CHRM3: variants seen among roughly 807,000 people sequenced by gnomAD.
CHRM3 encodes cholinergic receptor muscarinic 3.
Under a neutral mutation model 41.8 loss-of-function variants are expected in CHRM3, and 11 were observed. The ratio of observed to expected loss-of-function variants is 0.26; its 90% CI spans 0.17 to 0.44. The LOEUF is 0.44. Ranked by LOEUF, CHRM3 falls within the 20% of genes least tolerant of loss-of-function variation. The pLI, the probability that CHRM3 is intolerant of heterozygous loss-of-function variation, is 1.00. For missense variants in CHRM3, 571 were observed against 745.4 expected (o/e 0.77, Z 2.72); for synonymous variants, 297 against 301.4 (o/e 0.99, Z 0.15).
intron 4 of CHRM3, among the ~76,000 whole-genome samples, chr1:239,658,236 C>T (rs190018849): frequency 5.9e-5 from 9 of 152,246 alleles, no homozygotes; most frequent in African/African-American, 2.2e-4. Context: ...AAATCTGTAG[C>T]TTTAAAATGG....
rs1558431478 is a variant in CHRM3, at chr1:239,662,912, T to TCTTCTTCTTCTTCTTCTC, written c.-249-15257_-249-15256insCCTTCTTCTTCTTCTTCT. Among the ~76,000 whole-genome samples the TCTTCTTCTTCTTCTTCTC allele has an allele frequency of 2.6e-3, 279 of 105,302 alleles. 6 individuals carry two copies. Among genetic ancestry groups the TCTTCTTCTTCTTCTTCTC allele is most frequent in the African/African-American group, 8.5e-3 (259 of 30,486 alleles). 69.1% of individuals were successfully genotyped at this position (105,302 alleles called of 152,430 possible). A position where few individuals can be genotyped will look rare whatever the true frequency, so the allele number is the denominator to read the frequency against. On this transcript the variant is annotated intron_variant, in intron 4 of 6. Transcript: ENST00000676153. Reference sequence around the variant, plus strand: ...CTCCTCCTCTTCTTCTTCTTCTTCTTCTTCTTCTTCTTCTTCTTCTCCTCT... The same window carrying TCTTCTTCTTCTTCTTCTC: ...CTCCTCCTCTTCTTCTTCTTCTTCTTCTTCTTCTTCTTCTTCTCCTTCTTCTTCTTCTTCTTCTCCTCT...
At position 239,518,521 on chromosome 1, in the gene CHRM3, T is replaced by C. The variant is rs549248379; in HGVS notation, c.-422+25714T>C. On this transcript the variant is annotated intron_variant, in intron 2 of 6. Transcript: ENST00000676153. ...TGGAGAAAACAAATATGACCAAAGG[T>C]AGACAATTTGTCAACCTGGGTTAAG... Among the ~76,000 whole-genome samples the C allele has an allele frequency of 3.9e-5, 6 of 152,274 alleles. No homozygotes were observed. In the South Asian group the frequency reaches 1.2e-3, roughly 32 times the overall value.
chr1:239,693,557 A>AT (rs1659911095), intron 5 of CHRM3, among the ~76,000 whole-genome samples: 1 of 152,184 alleles, frequency 6.6e-6, no homozygotes, highest in Non-Finnish European at 1.5e-5. Context: ...AAGCGGACTA[A>AT]TATTTAGAGG....
At position 239,433,642 on chromosome 1, in the gene CHRM3, A is replaced by C. The variant is rs146763131; in HGVS notation, c.-521+46415A>C. The stretch of plus-strand genomic sequence containing the variant: ...CCCTTCCCCCAAGTTCCCAAAGTCC[A>C]TTGTATCATTCTTATGCCTTTGCAT... On this transcript the variant is annotated intron_variant, in intron 1 of 6. Coordinates refer to ENST00000676153, the MANE Select transcript of CHRM3 (RefSeq NM_001375978.1). 2.4e-3 allele frequency among the ~76,000 whole-genome samples: 328 copies of C among 137,542 alleles called. 1 individual carries two copies. The highest frequency in any genetic ancestry group is 8.5e-3 in the African/African-American group (312 of 36,768). The allele number at this position is 137,542 out of a possible 152,430, so 90.2% of individuals were successfully genotyped here.
intron 5 of CHRM3, among the ~76,000 whole-genome samples, chr1:239,812,305 A>G (rs1469745485): frequency 6.6e-6 from 1 of 152,114 alleles, no homozygotes; most frequent in Non-Finnish European, 1.5e-5. Context: ...CTCCCAAAGT[A>G]ATGGGATTAC....
chr1:239,785,569 T>C (rs1668826714), intron 5 of CHRM3, among the ~76,000 whole-genome samples: 1 of 152,224 alleles, frequency 6.6e-6, no homozygotes, highest in African/African-American at 2.4e-5. Context: ...TCTCCATGTT[T>C]TCCCCACTTA....
intron 3 of CHRM3, among the ~76,000 whole-genome samples, chr1:239,564,395 A>G (rs1353067691): frequency 6.6e-6 from 1 of 152,188 alleles, no homozygotes; most frequent in East Asian, 1.9e-4. Flanking sequence ...ATTTAAAATT[A>G]TATCTAGAGG....
intron 6 of CHRM3, among the ~76,000 whole-genome samples, chr1:239,864,645 G>GA (rs948892573): frequency 1.6e-4 from 24 of 152,024 alleles, no homozygotes; most frequent in African/African-American, 5.1e-4. Context: ...GGAGTGACTA[G>GA]AAACCTTTTC....
intron 5 of CHRM3, among the ~76,000 whole-genome samples, chr1:239,739,662 C>T (rs1394699513): frequency 6.6e-6 from 1 of 151,902 alleles, no homozygotes; most frequent in Non-Finnish European, 1.5e-5. Flanking sequence ...CAGTCACATG[C>T]TGGAGGATTT....
intron 3 of CHRM3, among the ~76,000 whole-genome samples, chr1:239,618,700 T>C (rs571981700): frequency 0.011 from 1,645 of 150,322 alleles, 18 homozygotes; most frequent in Non-Finnish European, 0.015. Flanking sequence ...AAAAATTAGC[T>C]GGGCGTGGTG....
At chr1:239,622,849 T>C (rs1668534233) in intron 3 of CHRM3, among the ~76,000 whole-genome samples, 1 of 152,198 alleles carries the variant, frequency 6.6e-6, no homozygotes, top group Non-Finnish European at 1.5e-5. Flanking sequence ...GTGGACAAAA[T>C]GCTGTCAAAC....
At chr1:239,778,716 T>C (rs1668290954) in intron 5 of CHRM3, among the ~76,000 whole-genome samples, 1 of 152,196 alleles carries the variant, frequency 6.6e-6, no homozygotes, top group South Asian at 2.1e-4. Context: ...CGATAGCAGC[T>C]AGGGGATTTG....
intron 5 of CHRM3, among the ~76,000 whole-genome samples, chr1:239,765,100 T>C (rs939838861): frequency 1.3e-5 from 2 of 152,212 alleles, no homozygotes; most frequent in Non-Finnish European, 2.9e-5. Context: ...TTCCTAATTT[T>C]AGAGATGAGG....
chr1:239,670,325 A>G (rs547652915), intron 4 of CHRM3, among the ~76,000 whole-genome samples: 2 of 152,124 alleles, frequency 1.3e-5, no homozygotes, highest in South Asian at 4.2e-4. Flanking sequence ...TTTTTTCTAG[A>G]GCTTTATAAA....
In CHRM3 at chr1:239,660,541, C is replaced by T. The variant is rs1354003178; in HGVS notation, c.-249-17645C>T. On this transcript the variant is annotated intron_variant, in intron 4 of 6. Transcript: ENST00000676153. ...AATCTTATTGAACACTTACTATATTCCAGACAAGTATGAAAGATGGATAGA... is the reference window on the plus strand; with the variant it reads ...AATCTTATTGAACACTTACTATATTTCAGACAAGTATGAAAGATGGATAGA... 2.6e-5 allele frequency among the ~76,000 whole-genome samples: 4 copies of T among 152,010 alleles called. No homozygotes were observed. The East Asian group carries it at 7.7e-4, about 29-fold the overall frequency.
rs1336707934 is a variant in CHRM3 at position 239,908,185 on chromosome 1, C to T, written c.734C>T (p.Thr245Ile). ...TAIAAFYMPV[T>I]IMTILYWRIY... ...ATCGCTGCTTTTTATATGCCTGTCACCATTATGACTATTTTATACTGGAGG... is the reference window on the plus strand; with the variant it reads ...ATCGCTGCTTTTTATATGCCTGTCATCATTATGACTATTTTATACTGGAGG... Residue 245 changes from threonine to isoleucine, a missense_variant, in exon 7 of 7, where the codon ACC (threonine) becomes ATC (isoleucine). Around this residue, in one of 5 missense-constraint regions of CHRM3, gnomAD observed 153 missense variants for 296.3 expected, o/e 0.52. Transcript: ENST00000676153. The surrounding 1 kb of genome is among the most constrained non-coding windows in gnomAD (Gnocchi z 7.2). 1 of 1,614,138 alleles carries T rather than the reference C, an allele frequency of 6.2e-7. No individual in the cohort carries two copies. The highest frequency in any genetic ancestry group is 1.1e-5 in the South Asian group (1 of 91,084).
chr1:239,713,316 A>G (rs1300208612), intron 5 of CHRM3, among the ~76,000 whole-genome samples: 1 of 152,154 alleles, frequency 6.6e-6, no homozygotes, highest in African/African-American at 2.4e-5. Context: ...ATTATGGATG[A>G]CACTATTTGC....
intron 4 of CHRM3, among the ~76,000 whole-genome samples, chr1:239,671,436 T>A (rs1377361046): frequency 6.6e-6 from 1 of 152,136 alleles, no homozygotes; most frequent in Non-Finnish European, 1.5e-5. Flanking sequence ...TAGCTGGACA[T>A]GGTGGTGCAC....
In CHRM3 at chr1:239,909,419, A is replaced by AAT; in HGVS notation, c.*196_*197insTA. The AAT allele has an allele frequency of 2.2e-6, 1 of 455,924 alleles. No individual in the cohort carries two copies. The allele number at this position is 455,924 out of a possible 1,614,324, so 28.2% of individuals were successfully genotyped here. On this transcript the variant is annotated 3_prime_UTR_variant, in exon 7 of 7. Coordinates refer to ENST00000676153, the MANE Select transcript of CHRM3 (RefSeq NM_001375978.1). ...AAAAAGTCAATACCAATTCAGCAAA[A>AAT]AGAAAAAAAAAACATACTACTGAAT... is the stretch of plus-strand genomic sequence containing the variant.
Sources: gnomAD v4.1 joint callset for allele counts (sites outside exome capture counted in the v4.1 genomes callset) on GRCh38, gnomAD v4.1.1 for gene constraint, gnomAD v4.1.1 regional missense constraint, Gnocchi (gnomAD v3.1) non-coding constraint, MANE v1.5 for transcripts, NCBI Gene and HGNC (gene_info 2026-07-23, HGNC 2026-07-21) for gene names.